Variants in ALG13 observed in about 807,000 individuals in gnomAD.
The protein encoded by ALG13 is UDP-N-acetylglucosamine transferase subunit ALG13.
ALG13 carries 11 observed loss-of-function variants against 87.8 expected under a neutral mutation model. The ratio of observed to expected loss-of-function variants is 0.13; its 90% CI spans 0.08 to 0.21. The LOEUF is 0.21. Ranked by LOEUF, ALG13 falls within the 10% of genes least tolerant of loss-of-function variation. ALG13 has a pLI of 1.00. For missense variants in ALG13, 756 were observed against 866.1 expected (o/e 0.87, Z 1.60); for synonymous variants, 320 against 306.3 (o/e 1.04, Z -0.47).
Position 111,689,315 on chromosome X carries a change from C to T in ALG13, c.383+4212C>T, listed in dbSNP as rs1266557646. ...GAATCTTTAGTGTTTTCTGGGCCCTCATAAATACGTTTTTCTCATTTGAGA... is the reference window on the plus strand; with the variant it reads ...GAATCTTTAGTGTTTTCTGGGCCCTTATAAATACGTTTTTCTCATTTGAGA... On this transcript the variant is annotated intron_variant, in intron 3 of 26. Transcript: ENST00000394780. 9 of 751,585 alleles carry T rather than the reference C, an allele frequency of 1.2e-5. No homozygotes were observed. In the African/African-American group the frequency reaches 1.9e-4, roughly 15 times the overall value. The allele number at this position is 751,585 out of a possible 1,213,427, so 61.9% of individuals were successfully genotyped here.
At chrX:111,723,183 G>T (rs891346214) in intron 13 of ALG13, among the ~76,000 whole-genome samples, 2 of 104,918 alleles carry the variant, frequency 1.9e-5, no homozygotes, top group Non-Finnish European at 3.9e-5. Flanking sequence ...ACGGAGTCTT[G>T]CTCTGTCTCC....
chrX:111,717,229 A>C (rs1362403382), intron 8 of ALG13, among the ~76,000 whole-genome samples: 1 of 111,698 alleles, frequency 9.0e-6, no homozygotes, highest in Non-Finnish European at 1.9e-5. Context: ...TGTTTTGGGA[A>C]AAAAAAACCT....
rs138763927 is a variant in ALG13 at position 111,747,190 on chromosome X, G to A, written c.2932+2286G>A. Among the ~76,000 whole-genome samples the A allele has an allele frequency of 5.1e-3, 569 of 111,568 alleles. 2 individuals are homozygous for A. Among genetic ancestry groups the A allele is most frequent in the African/African-American group, 0.018 (541 of 30,732 alleles). On this transcript the variant is annotated intron_variant, in intron 24 of 26. Transcript: ENST00000394780. ...TATAGCATCACATGGATGCTATAATGGAGCATTTCTACCCCAGAAATCTGT... is the reference window on the plus strand; with the variant it reads ...TATAGCATCACATGGATGCTATAATAGAGCATTTCTACCCCAGAAATCTGT...
Position 111,744,655 on chromosome X carries a change from G to T in ALG13, c.2696-13G>T. On this transcript the variant is annotated splice_polypyrimidine_tract_variant and intron_variant, in intron 23 of 26. Coordinates refer to ENST00000394780, the MANE Select transcript of ALG13 (RefSeq NM_001099922.3). ...GTTGTGTATTGCTACTTTATGTTTT[G>T]TTTCTTTGTTAGTGATTGCCTCACC... The T allele has an allele frequency of 8.5e-7, 1 of 1,178,582 alleles. No individual in the cohort carries two copies.
At position 111,731,760 on chromosome X, in the gene ALG13, A is replaced by G. The variant is rs188854969; in HGVS notation, c.2457+1180A>G. ...TACAGTTCTTTTCTATAGATATACT[A>G]CTAAGATTTGCTATAATTCTTTGTG... is the stretch of plus-strand genomic sequence containing the variant. On this transcript the variant is annotated intron_variant, in intron 21 of 26. Transcript: ENST00000394780. Among the ~76,000 whole-genome samples the G allele has an allele frequency of 5.3e-5, 6 of 112,221 alleles. No individual in the cohort carries two copies. In the East Asian group the frequency reaches 1.4e-3, roughly 26 times the overall value.
chrX:111,684,670 C>A (rs745535800), intron 2 of ALG13, among the ~76,000 whole-genome samples: 1 of 111,750 alleles, frequency 8.9e-6, no homozygotes, highest in African/African-American at 3.3e-5. Flanking sequence ...AAGGCTATAC[C>A]CCATCGTAAG....
At chrX:111,714,821 C>T (rs1940330287) in intron 8 of ALG13, among the ~76,000 whole-genome samples, 1 of 111,548 alleles carries the variant, frequency 9.0e-6, no homozygotes. Context: ...GAAAACTTGA[C>T]CCTAAATGCT....
At position 111,685,116 on chromosome X, in the gene ALG13, C is replaced by A; in HGVS notation, c.383+13C>A. The A allele has an allele frequency of 1.6e-5, 19 of 1,200,442 alleles. No homozygotes were observed. The highest frequency in any genetic ancestry group is 1.9e-5 in the Non-Finnish European group (17 of 890,393). On this transcript the variant is annotated intron_variant, in intron 3 of 26. Coordinates refer to ENST00000394780, the MANE Select transcript of ALG13 (RefSeq NM_001099922.3). ...ATTGTACCTGCAGGTATGCTAGAGA[C>A]TGATTATTATTATCTCTTGCCTTAA...
chrX:111,688,625 C>T (rs1167577718), intron 3 of ALG13: 1 of 749,191 alleles, frequency 1.3e-6, no homozygotes, highest in Non-Finnish European at 1.6e-6. Flanking sequence ...CAAAACTTTA[C>T]TGGTTTGAGA....
At position 111,736,722 on chromosome X, in the gene ALG13, A is replaced by C. The variant is rs768049107; in HGVS notation, c.2538A>C (p.Gly846=). 3 of 1,209,259 alleles carry C rather than the reference A, an allele frequency of 2.5e-6. No individual in the cohort carries two copies. Among genetic ancestry groups the C allele is most frequent in the Non-Finnish European group, 3.4e-6 (3 of 894,440 alleles). Reference sequence around the variant, plus strand: ...TTCTTCCACACTTACAGATGATGGGAAATATTGCAGCAGTTGCAGCTTCCT... The same window carrying C: ...TTCTTCCACACTTACAGATGATGGGCAATATTGCAGCAGTTGCAGCTTCCT... ...TSYNYPQKMM[G]NIAAVAASCA... Residue 846 remains glycine (G), a synonymous_variant, in exon 23 of 27, where the codon GGA becomes GGC. Coordinates refer to ENST00000394780, the MANE Select transcript of ALG13 (RefSeq NM_001099922.3).
rs1313889255 is a variant in ALG13 at position 111,744,913 on chromosome X, A to G, written c.2932+9A>G. Reference sequence around the variant, plus strand: ...CAGTGATTTGCCTCAAGGTAAGTAGATTTTGAGACTTAGGTGAGGGATCTG... The same window carrying G: ...CAGTGATTTGCCTCAAGGTAAGTAGGTTTTGAGACTTAGGTGAGGGATCTG... On this transcript the variant is annotated intron_variant, in intron 24 of 26. Coordinates refer to ENST00000394780, the MANE Select transcript of ALG13 (RefSeq NM_001099922.3). The G allele has an allele frequency of 8.5e-7, 1 of 1,173,604 alleles. No homozygotes were observed. The highest frequency in any genetic ancestry group is 2.2e-5 in the Admixed American group (1 of 45,247).
At position 111,718,150 on chromosome X, in the gene ALG13, G is replaced by A; in HGVS notation, c.1126G>A (p.Val376Met). ...YEILYKDVFVVDEEELKTAIK... is the reference protein window; with the variant it reads ...YEILYKDVFVMDEEELKTAIK... Reference sequence around the variant, plus strand: ...AATTCTCTATAAAGATGTGTTTGTTGTGGATGAAGAAGAGTTGAAGACTGC... The same window carrying A: ...AATTCTCTATAAAGATGTGTTTGTTATGGATGAAGAAGAGTTGAAGACTGC... Residue 376 changes from valine to methionine, a missense_variant, in exon 10 of 27, where the codon GTG (valine) becomes ATG (methionine). Around this residue, in one of 9 missense-constraint regions of ALG13, gnomAD observed 48 missense variants for 50.5 expected, o/e 0.95. Transcript: ENST00000394780. The A allele has an allele frequency of 4.3e-6, 5 of 1,166,961 alleles. No individual in the cohort carries two copies. The highest frequency in any genetic ancestry group is 5.7e-6 in the Non-Finnish European group (5 of 871,843).
At chrX:111,729,856 C>T (rs1188979309) in intron 19 of ALG13, among the ~76,000 whole-genome samples, 3 of 111,732 alleles carry the variant, frequency 2.7e-5, no homozygotes, top group Non-Finnish European at 5.6e-5. Context: ...TAATGTCCAC[C>T]TAAGGAAACA....
intron 21 of ALG13, among the ~76,000 whole-genome samples, chrX:111,731,616 A>C (rs1324279422): frequency 8.9e-6 from 1 of 111,985 alleles, no homozygotes; most frequent in African/African-American, 3.2e-5. Flanking sequence ...TTGGAGGCCC[A>C]AGGGTGGTTT....
At chrX:111,681,326 G>A in intron 1 of ALG13, 27 bp downstream of exon 1, 2 of 1,208,921 alleles carry the variant, frequency 1.7e-6, no homozygotes, top group Non-Finnish European at 2.2e-6. Context: ...AGCAGGCGGC[G>A]GCTTGGCTCG....
chrX:111,700,610 C>T (rs1462301885), intron 3 of ALG13, among the ~76,000 whole-genome samples: 2 of 106,151 alleles, frequency 1.9e-5, no homozygotes, highest in African/African-American at 3.5e-5. Context: ...GGAGTCTCAC[C>T]CTGTCATCCA....
chrX:111,725,101 T>C, intron 15 of ALG13, 40 bp downstream of exon 15: 4 of 1,195,542 alleles, frequency 3.3e-6, no homozygotes, highest in Non-Finnish European at 4.5e-6. Context: ...TTTCCCTTCC[T>C]GTACCTGCTT....
chrX:111,689,866 T>A, intron 3 of ALG13: 1 of 753,930 alleles, frequency 1.3e-6, no homozygotes, highest in Non-Finnish European at 1.6e-6. Flanking sequence ...TAGGTTTTGT[T>A]TGTTTATTTA....
chrX:111,702,328 C>T (rs1377091522), intron 3 of ALG13, among the ~76,000 whole-genome samples: 3 of 111,510 alleles, frequency 2.7e-5, no homozygotes. Flanking sequence ...TCCTATCCTC[C>T]TAATTTAGTT....
Sources: gnomAD v4.1 joint callset for allele counts (sites outside exome capture counted in the v4.1 genomes callset) on GRCh38, gnomAD v4.1.1 for gene constraint, gnomAD v4.1.1 regional missense constraint, MANE v1.5 for transcripts, NCBI Gene and HGNC (gene_info 2026-07-23, HGNC 2026-07-21) for gene names.